ADAP2: variants seen among roughly 807,000 people sequenced by gnomAD.
ADAP2 encodes the protein arf-GAP with dual PH domain-containing protein 2.
Under a neutral mutation model 54.9 loss-of-function variants are expected in ADAP2, and 42 were observed. The ratio of observed to expected loss-of-function variants is 0.77; its 90% confidence interval spans 0.60 to 0.99. ADAP2 has a LOEUF of 0.99. Among genes scored for constraint, ADAP2 ranks in the 50% least tolerant of loss-of-function variants. The pLI is 0.00. For missense variants in ADAP2, 429 were observed against 480.4 expected (o/e 0.89, Z 1.00); for synonymous variants, 177 against 180.1 (o/e 0.98, Z 0.14).
At chr17:30,957,012 G>C (rs1876431) in intron 10 of ADAP2, 5 of 155,974 alleles carry the variant, frequency 3.2e-5, no homozygotes, top group African/African-American at 1.2e-4. Flanking sequence ...GTGAAAAAAG[G>C]GGAGACATGC....
At chr17:30,947,513 C>T (rs191075150) in intron 6 of ADAP2, among the ~76,000 whole-genome samples, 1 of 152,200 alleles carries the variant, frequency 6.6e-6, no homozygotes, top group East Asian at 1.9e-4. Flanking sequence ...ACCACCATAC[C>T]CGGCTAATTT....
chr17:30,937,578 AG>A (rs1911981422), intron 5 of ADAP2, among the ~76,000 whole-genome samples: 1 of 152,226 alleles, frequency 6.6e-6, no homozygotes, highest in African/African-American at 2.4e-5. Context: ...GTAGGGAGGA[AG>A]GAGGCCAGAG....
At chr17:30,952,521 G>A (rs547805403) in intron 7 of ADAP2, among the ~76,000 whole-genome samples, 20 of 152,242 alleles carry the variant, frequency 1.3e-4, no homozygotes, top group Admixed American at 9.2e-4. Context: ...GATTACAAGC[G>A]CGTGCCACCA....
intron 5 of ADAP2, among the ~76,000 whole-genome samples, chr17:30,940,665 C>T (rs757412755): frequency 2.6e-5 from 4 of 152,194 alleles, no homozygotes; most frequent in Non-Finnish European, 4.4e-5. Flanking sequence ...CGAATTTGGA[C>T]TGTAAGATGA....
Position 30,923,032 on chromosome 17 carries a change from TCTGTGCGACTTG to T in ADAP2, c.188_199del (p.Ser63_Asp67delinsTyr). 6.2e-7 allele frequency: 1 copy of T among 1,614,022 alleles called. No homozygotes were observed. The highest frequency in any genetic ancestry group is 8.5e-7 in the Non-Finnish European group (1 of 1,180,004). On this transcript the variant is annotated inframe_deletion, in exon 2 of 11. Coordinates refer to ENST00000330889, the MANE Select transcript of ADAP2 (RefSeq NM_018404.3). Reference sequence around the variant, plus strand: ...CTTCCCTGACATCAGCAGAGTTAAATCTGTGCGACTTGACTTCTGGGACGACAGTATTGTGGA... The same window carrying T: ...CTTCCCTGACATCAGCAGAGTTAAATACTTCTGGGACGACAGTATTGTGGA...
At chr17:30,940,859 G>T (rs1912223474) in intron 5 of ADAP2, among the ~76,000 whole-genome samples, 1 of 152,024 alleles carries the variant, frequency 6.6e-6, no homozygotes, top group Non-Finnish European at 1.5e-5. Context: ...TTGTTCTTTG[G>T]CCCTCTAGAA....
intron 5 of ADAP2, among the ~76,000 whole-genome samples, chr17:30,943,803 C>A (rs1348691910): frequency 6.6e-6 from 1 of 151,348 alleles, no homozygotes; most frequent in Non-Finnish European, 1.5e-5. Flanking sequence ...CCTCAGATCA[C>A]GCCATTGCAC....
At chr17:30,954,041 G>C (rs1716375105) in intron 8 of ADAP2, among the ~76,000 whole-genome samples, 1 of 152,158 alleles carries the variant, frequency 6.6e-6, no homozygotes. Context: ...GCAGTCAAAG[G>C]GTTGTTTTCA....
Position 30,956,252 on chromosome 17 carries a change from G to T in ADAP2, c.894G>T (p.Glu298Asp). The change falls in exon 10 of 11, where the codon GAG becomes GAT. Residue 298 changes from glutamate (E) to aspartate (D), a missense_variant. By Grantham distance (45) the Glu-to-Asp change is conservative. Transcript: ENST00000330889. ...LYYKNPLDAFEQGQVFLGNKE... is the reference protein window; with the variant it reads ...LYYKNPLDAFDQGQVFLGNKE... ...CTCTCCATTTTCAGGATGCCTTCGA[G>T]CAGGGCCAGGTTTTTCTTGGGAACA... The T allele has an allele frequency of 1.2e-6, 2 of 1,614,132 alleles. No individual in the cohort carries two copies. Among genetic ancestry groups the T allele is most frequent in the Non-Finnish European group, 1.7e-6 (2 of 1,180,022 alleles).
chr17:30,935,884 C>G (rs1911835109), intron 5 of ADAP2, among the ~76,000 whole-genome samples: 2 of 152,234 alleles, frequency 1.3e-5, no homozygotes, highest in South Asian at 4.1e-4. Flanking sequence ...TAGGTCATAG[C>G]AAGACTTGGG....
chr17:30,923,865 A>T (rs1029928920), intron 2 of ADAP2, among the ~76,000 whole-genome samples: 7 of 151,128 alleles, frequency 4.6e-5, no homozygotes, highest in African/African-American at 1.7e-4. Flanking sequence ...ATGCCCCGCT[A>T]ATTTTTGTAT....
intron 3 of ADAP2, among the ~76,000 whole-genome samples, chr17:30,930,378 C>T (rs1460605397): frequency 1.3e-5 from 2 of 151,902 alleles, no homozygotes; most frequent in African/African-American, 4.8e-5. Context: ...GGCCAGAAGC[C>T]CAGTTTAAAC....
intron 5 of ADAP2, among the ~76,000 whole-genome samples, chr17:30,938,473 C>T (rs1214933766): frequency 1.3e-5 from 2 of 152,190 alleles, no homozygotes; most frequent in African/African-American, 4.8e-5. Context: ...GAAATAGATT[C>T]AACCTCTTCA....
intron 2 of ADAP2, among the ~76,000 whole-genome samples, chr17:30,924,051 G>A (rs1339386151): frequency 6.6e-6 from 1 of 152,114 alleles, no homozygotes; most frequent in Non-Finnish European, 1.5e-5. Flanking sequence ...TGTAGGCTCA[G>A]TCCAGACACA....
At chr17:30,924,820 G>C (rs1054937592) in intron 2 of ADAP2, among the ~76,000 whole-genome samples, 7 of 151,978 alleles carry the variant, frequency 4.6e-5, no homozygotes, top group African/African-American at 1.7e-4. Flanking sequence ...TAAACCTGAA[G>C]GATTTTATTT....
chr17:30,953,936 C>T (rs1358161370), intron 8 of ADAP2, among the ~76,000 whole-genome samples: 1 of 151,922 alleles, frequency 6.6e-6, no homozygotes, highest in East Asian at 1.9e-4. Flanking sequence ...ATGTGTGGCC[C>T]AAGACAATTC....
At chr17:30,938,350 T>G (rs6505218) in intron 5 of ADAP2, among the ~76,000 whole-genome samples, 3,975 of 152,278 alleles carry the variant, frequency 0.026, 169 homozygotes, top group African/African-American at 0.09. Flanking sequence ...GTGGCTTGGC[T>G]GCTGACTTCC....
intron 3 of ADAP2, among the ~76,000 whole-genome samples, 183 bp from the exon 4 acceptor site, chr17:30,931,706 A>G (rs1158095875): frequency 1.3e-5 from 2 of 151,928 alleles, no homozygotes; most frequent in African/African-American, 4.8e-5. Flanking sequence ...CTGTGATCCC[A>G]GCTACTTAAG....
At chr17:30,929,366 ACTCGAGAGGGCCTGT>A (rs1272637135) in intron 3 of ADAP2, among the ~76,000 whole-genome samples, 1 of 151,872 alleles carries the variant, frequency 6.6e-6, no homozygotes, top group Non-Finnish European at 1.5e-5. Context: ...GGGTGTGCTG[ACTCGAGAGGGCCTGT>A]CTCATCCTGG....
Sources: gnomAD v4.1 joint callset for allele counts (sites outside exome capture counted in the v4.1 genomes callset) on GRCh38, gnomAD v4.1.1 for gene constraint, MANE v1.5 for transcripts, NCBI Gene and HGNC (gene_info 2026-07-23, HGNC 2026-07-21) for gene names.